The following NLRP5 variants were observed in gnomAD, a reference collection of about 807,000 sequenced individuals.
NLRP5 encodes NACHT, LRR and PYD domains-containing protein 5.
A neutral mutation model predicts 113.1 loss-of-function variants in NLRP5; 93 were observed. That is an observed-to-expected ratio of 0.82 (90% CI 0.70 to 0.98). The LOEUF is 0.98. NLRP5 is among the 50% of genes least tolerant of loss of function. NLRP5 has a pLI of 0.00. For missense variants in NLRP5, 1,808 were observed against 1,514.3 expected (o/e 1.19, Z -3.22); for synonymous variants, 751 against 600.7 (o/e 1.25, Z -3.66).
Position 56,053,749 on chromosome 19 carries a change from TG to T in NLRP5, c.3244del (p.Val1082LeufsTer8). The T allele has an allele frequency of 6.2e-7, 1 of 1,613,692 alleles. No homozygotes were observed. The highest frequency in any genetic ancestry group is 8.5e-7 in the Non-Finnish European group (1 of 1,179,840). On this transcript the variant is annotated frameshift_variant, in exon 13 of 15. Coordinates refer to ENST00000390649, the MANE Select transcript of NLRP5 (RefSeq NM_153447.4). LOFTEE classifies it high-confidence loss of function. ...TCACGGACAATGCCCTGGGTGACGG[TG>T]GGGTTGCTGCGCTGTGCGAGGGACT...
intron 2 of NLRP5, among the ~76,000 whole-genome samples, chr19:56,005,111 T>C: frequency 1.2e-5 from 1 of 86,242 alleles, no homozygotes; most frequent in Middle Eastern, 5.6e-3. Context: ...AAAAAAAATA[T>C]ATATATATAT....
rs112088760 is a variant in NLRP5, at chr19:56,061,447, G to A, written c.3522G>A (p.Val1174=). ...AAATAAGGAAGCTGCTGGAGGAAGT[G>A]CAGCTACTCAAGCCCCGAGTCGTAA... The change falls in exon 15 of 15, where the codon GTG becomes GTA. Residue 1174 remains valine (V), a synonymous_variant. Coordinates refer to ENST00000390649, the MANE Select transcript of NLRP5 (RefSeq NM_153447.4). The A allele has an allele frequency of 2.6e-4, 415 of 1,613,980 alleles. 2 individuals are homozygous for A. In the African/African-American group the frequency reaches 4.8e-3, roughly 19 times the overall value.
At chr19:56,001,318 G>C (rs1392742723) in intron 1 of NLRP5, among the ~76,000 whole-genome samples, 3 of 115,692 alleles carry the variant, frequency 2.6e-5, no homozygotes, top group Non-Finnish European at 5.2e-5. Context: ...GCAAGACTCA[G>C]TCATTTAAAA....
intron 4 of NLRP5, among the ~76,000 whole-genome samples, chr19:56,018,993 A>T (rs61447834): frequency 1.3e-5 from 2 of 151,946 alleles, no homozygotes; most frequent in African/African-American, 2.4e-5. Flanking sequence ...ATGGGGTTTC[A>T]TCATATTGGT....
chr19:56,057,424 C>T (rs1236518378), intron 13 of NLRP5, among the ~76,000 whole-genome samples: 1 of 152,210 alleles, frequency 6.6e-6, no homozygotes, highest in Non-Finnish European at 1.5e-5. Flanking sequence ...CCTCCGCTCT[C>T]ACCACTGTCT....
At chr19:56,037,674 CAA>C (rs1397481586) in intron 9 of NLRP5, among the ~76,000 whole-genome samples, 1 of 121,642 alleles carries the variant, frequency 8.2e-6, no homozygotes, top group African/African-American at 3.3e-5. Context: ...GCCTGGGTGA[CAA>C]GAGCAAGACC....
intron 13 of NLRP5, 38 bp downstream of exon 13, chr19:56,053,846 G>GCCC: frequency 6.3e-7 from 1 of 1,598,614 alleles, no homozygotes. Flanking sequence ...GCCGGGCTGG[G>GCCC]AGGAGGTGGG....
intron 4 of NLRP5, chr19:56,018,737 C>CT (rs1982500141): frequency 6.5e-6 from 1 of 153,172 alleles, no homozygotes; most frequent in Admixed American, 6.5e-5. Flanking sequence ...GTAGCTGGGA[C>CT]TACAGGCATG....
At chr19:56,044,824 C>G (rs1338061187) in intron 11 of NLRP5, among the ~76,000 whole-genome samples, 1 of 152,184 alleles carries the variant, frequency 6.6e-6, no homozygotes, top group African/African-American at 2.4e-5. Context: ...AATATTGATT[C>G]TACCCATCCA....
chr19:56,014,348 C>T (rs894835686), intron 3 of NLRP5, among the ~76,000 whole-genome samples: 7 of 151,924 alleles, frequency 4.6e-5, no homozygotes, highest in African/African-American at 1.5e-4. Context: ...GGCATGGTGG[C>T]GCTTTCCTGT....
intron 1 of NLRP5, 91 bp from the exon 2 acceptor site, chr19:56,003,645 C>T (rs1341623914): frequency 2.8e-6 from 4 of 1,424,602 alleles, no homozygotes; most frequent in Non-Finnish European, 3.8e-6. Context: ...AAAGAGAAGG[C>T]CGTTCATCTA....
At chr19:56,043,850 T>A (rs938005907) in intron 11 of NLRP5, among the ~76,000 whole-genome samples, 1 of 151,064 alleles carries the variant, frequency 6.6e-6, no homozygotes, top group East Asian at 2.0e-4. Flanking sequence ...GTGCTGGGAT[T>A]ACAGGCGTGA....
intron 13 of NLRP5, among the ~76,000 whole-genome samples, chr19:56,054,285 CAG>C (rs1217876247): frequency 1.3e-5 from 2 of 152,136 alleles, no homozygotes; most frequent in African/African-American, 4.8e-5. Flanking sequence ...AGGCTGGGCA[CAG>C]GGGCTCACGC....
chr19:56,024,618 C>T (rs1452336101), intron 6 of NLRP5, among the ~76,000 whole-genome samples: 2 of 149,994 alleles, frequency 1.3e-5, no homozygotes, highest in Admixed American at 6.7e-5. Flanking sequence ...ATTAGCTGAG[C>T]ATGGTGGCAG....
upstream of NLRP5, chr19:55,999,649 G>C (rs939277958): frequency 1.5e-5 from 16 of 1,080,452 alleles, no homozygotes; most frequent in African/African-American, 1.5e-4. Context: ...CCCTTGAAGA[G>C]GCAGGTACTC....
chr19:56,002,452 A>G lies in NLRP5; in HGVS notation c.63-1264A>G, dbSNP rs73066197. ...TAACTGGTAGGAATCTATTTGCCAGAGGTTTTTTTTTTTAATTTTATTATT... is the reference window on the plus strand; with the variant it reads ...TAACTGGTAGGAATCTATTTGCCAGGGGTTTTTTTTTTTAATTTTATTATT... On this transcript the variant is annotated intron_variant, in intron 1 of 14. Coordinates refer to ENST00000390649, the MANE Select transcript of NLRP5 (RefSeq NM_153447.4). Among the ~76,000 whole-genome samples, 13 of 151,400 alleles carry G rather than the reference A, an allele frequency of 8.6e-5. No homozygotes were observed. In the Middle Eastern group the frequency reaches 0.01, roughly 120 times the overall value.
At chr19:56,046,576 T>G (rs1983735641) in intron 11 of NLRP5, among the ~76,000 whole-genome samples, 1 of 152,104 alleles carries the variant, frequency 6.6e-6, no homozygotes, top group African/African-American at 2.4e-5. Flanking sequence ...AGTCTCACTC[T>G]GTCGCCCAGG....
At position 56,027,359 on chromosome 19, in the gene NLRP5, A is replaced by G; in HGVS notation, c.1126A>G (p.Lys376Glu). 1 of 1,613,402 alleles carries G rather than the reference A, an allele frequency of 6.2e-7. No homozygotes were observed. Among genetic ancestry groups the G allele is most frequent in the South Asian group, 1.1e-5 (1 of 91,012 alleles). Residue 376 changes from lysine (K) to glutamate (E), a missense_variant, in exon 7 of 15, where the codon AAG (lysine) becomes GAG (glutamate). Coordinates refer to ENST00000390649, the MANE Select transcript of NLRP5 (RefSeq NM_153447.4). ...GGGCTCTGTCCTCAACAATGACACA[A>G]AGCTCTGCAAAGACTGGGCTGAGAA...
rs201220224 is a variant in NLRP5, at chr19:56,032,597, C to A, written c.2277-14C>A. On this transcript the variant is annotated splice_polypyrimidine_tract_variant and intron_variant, in intron 7 of 14. Coordinates refer to ENST00000390649, the MANE Select transcript of NLRP5 (RefSeq NM_153447.4). ...CCATCCCATGAGCCCATGTTTCTAT[C>A]CCCCCTGACATAGGATGCGGGATAA... 54 of 1,603,696 alleles carry A rather than the reference C, an allele frequency of 3.4e-5. No homozygotes were observed. The African/African-American group carries it at 6.0e-4, about 18-fold the overall frequency.
Sources: gnomAD v4.1 joint callset for allele counts (sites outside exome capture counted in the v4.1 genomes callset) on GRCh38, gnomAD v4.1.1 for gene constraint, MANE v1.5 for transcripts, NCBI Gene and HGNC (gene_info 2026-07-23, HGNC 2026-07-21) for gene names.